DDX52: variants seen among roughly 807,000 people sequenced by gnomAD.
The protein encoded by DDX52 is DExD-box helicase 52.
In DDX52, 59 loss-of-function variants were observed where a neutral mutation model predicts 76.1. That is an observed-to-expected ratio of 0.78 (90% CI 0.63 to 0.96). The LOEUF is 0.96. DDX52 is among the 40% of genes least tolerant of loss of function. DDX52 has a pLI of 0.00. For synonymous variants in DDX52, 231 were observed against 244.1 expected, an observed-to-expected ratio of 0.95 and a Z score of 0.50; for missense variants, 707 against 703.9, an observed-to-expected ratio of 1.00 and a Z score of -0.05.
rs1299477102 is a variant in DDX52, at chr17:37,610,541, C to A, written c.*3755G>T. 2.7e-5 allele frequency: 4 copies of A among 149,786 alleles called. No individual in the cohort carries two copies. The highest frequency in any genetic ancestry group is 5.9e-5 in the Non-Finnish European group (4 of 67,982). 9.3% of individuals were successfully genotyped at this position (149,786 alleles called of 1,614,324 possible). ...ACAAGTAATGGATTAATTAGCTTTA[C>A]GTTTTCACTCTTGTCTCAAGGTTTT... On this transcript the variant is annotated 3_prime_UTR_variant, in exon 15 of 15. Transcript: ENST00000617633.
chr17:37,617,936 C>T (rs1230600571), intron 14 of DDX52, among the ~76,000 whole-genome samples: 1 of 151,932 alleles, frequency 6.6e-6, no homozygotes, highest in Non-Finnish European at 1.5e-5. Context: ...CATGGTGAAA[C>T]TCCGTGTCTA....
intron 2 of DDX52, among the ~76,000 whole-genome samples, chr17:37,637,929 G>A (rs2031008488): frequency 6.6e-6 from 1 of 152,164 alleles, no homozygotes; most frequent in East Asian, 1.9e-4. Flanking sequence ...CATATGATGG[G>A]TGCCAAAACC....
Position 37,642,291 on chromosome 17 carries a change from A to G in DDX52, c.105T>C (p.Tyr35=), listed in dbSNP as rs1469948506. 1.2e-6 allele frequency: 2 copies of G among 1,613,292 alleles called. No individual in the cohort carries two copies. Among genetic ancestry groups the G allele is most frequent in the Non-Finnish European group, 8.5e-7 (1 of 1,179,814 alleles). Residue 35 remains tyrosine (Y), a synonymous_variant, in exon 2 of 15, where the codon TAT becomes TAC. Coordinates refer to ENST00000617633, the MANE Select transcript of DDX52 (RefSeq NM_007010.5). The part of the protein sequence containing the change: ...AARFQIGKRK[Y]DFDSSEVLQG... ...GAAGCACCTCCGAAGAATCAAAGTC[A>G]TATTTCCTTTTTCCTATCTAAAACC...
intron 9 of DDX52, chr17:37,624,069 G>A (rs894886568): frequency 5.3e-5 from 12 of 224,994 alleles, no homozygotes; most frequent in African/African-American, 1.8e-4. Flanking sequence ...TCTGAGCTGC[G>A]AAAAGACAAC....
chr17:37,615,075 T>C (rs1432538564), intron 14 of DDX52: 1 of 152,226 alleles, frequency 6.6e-6, no homozygotes, highest in East Asian at 1.9e-4. Flanking sequence ...TGAGGTCCAC[T>C]AGGCAGCAAG....
At chr17:37,629,891 G>T in intron 5 of DDX52, 139 bp downstream of exon 5, 2 of 1,081,634 alleles carry the variant, frequency 1.8e-6, no homozygotes, top group Non-Finnish European at 2.6e-6. Flanking sequence ...AAGATCCGGA[G>T]CACTGTGCTG....
Position 37,614,157 on chromosome 17 carries a change from A to G in DDX52, c.*139T>C. ...CTGACTTGATAGTTTAGGATCATTT[A>G]TCACCAGTCCCATGTACTTGTAGTT... is the stretch of plus-strand genomic sequence containing the variant. On this transcript the variant is annotated 3_prime_UTR_variant, in exon 15 of 15. Coordinates refer to ENST00000617633, the MANE Select transcript of DDX52 (RefSeq NM_007010.5). 1.2e-6 allele frequency: 1 copy of G among 861,376 alleles called. No individual in the cohort carries two copies. The highest frequency in any genetic ancestry group is 3.2e-5 in the Admixed American group (1 of 31,264). The allele number at this position is 861,376 out of a possible 1,614,324, so 53.4% of individuals were successfully genotyped here.
chr17:37,643,211 C>T, intron 1 of DDX52, 123 bp downstream of exon 1: 1 of 997,956 alleles, frequency 1.0e-6, no homozygotes, highest in South Asian at 1.6e-5. Context: ...AGCAAAATAC[C>T]CCAAGGGTGG....
intron 6 of DDX52, among the ~76,000 whole-genome samples, chr17:37,628,020 C>T (rs543104151): frequency 1.3e-5 from 2 of 152,196 alleles, no homozygotes; most frequent in South Asian, 4.1e-4. Context: ...CTCAAGCAAT[C>T]CTCCCACCTC....
rs142653988 is a variant in DDX52, at chr17:37,622,935, T to G, written c.1227+1409A>C. Among the ~76,000 whole-genome samples the G allele has an allele frequency of 1.8e-3, 268 of 152,348 alleles. 2 individuals carry two copies. The highest frequency in any genetic ancestry group is 3.1e-3 in the Non-Finnish European group (209 of 68,032). On this transcript the variant is annotated intron_variant, in intron 9 of 14. Transcript: ENST00000617633. ...AACAGCTCTATGAGGTAGATATTAT[T>G]ATCCCATTTTACAGACAAGGAAAAT...
At position 37,618,003 on chromosome 17, in the gene DDX52, T is replaced by G. The variant is rs1261962244; in HGVS notation, c.1742+289A>C. 2.0e-5 allele frequency among the ~76,000 whole-genome samples: 3 copies of G among 151,946 alleles called. No individual in the cohort carries two copies. The East Asian group carries it at 5.8e-4, about 29-fold the overall frequency. ...GGTGGCGGGAGCCTGTAATCCCAGC[T>G]ATTTGGGATGATGAAGCAGTAGAAT... On this transcript the variant is annotated intron_variant, in intron 14 of 14. Coordinates refer to ENST00000617633, the MANE Select transcript of DDX52 (RefSeq NM_007010.5).
In DDX52 at chr17:37,612,028, G is replaced by A. The variant is rs998001907; in HGVS notation, c.*2268C>T. 2.0e-5 allele frequency: 3 copies of A among 147,848 alleles called. No individual in the cohort carries two copies. The highest frequency in any genetic ancestry group is 4.9e-5 in the African/African-American group (2 of 40,578). 9.2% of individuals were successfully genotyped at this position (147,848 alleles called of 1,614,324 possible). ...TACAGTAAGCTAAGGTTAATTTATT[G>A]AAGAAAAAATATATATCTAATATAT... is the stretch of plus-strand genomic sequence containing the variant. On this transcript the variant is annotated 3_prime_UTR_variant, in exon 15 of 15. Transcript: ENST00000617633.
intron 14 of DDX52, among the ~76,000 whole-genome samples, chr17:37,616,662 C>CAAAAAAAAAAAAAAAAA (rs1188716926): frequency 2.5e-4 from 30 of 122,414 alleles, no homozygotes; most frequent in African/African-American, 7.4e-4. Flanking sequence ...GACTCCATCT[C>CAAAAAAAAAAAAAAAAA]AAAAAAAAAA....
chr17:37,611,148 T>C lies in DDX52; in HGVS notation c.*3148A>G, dbSNP rs1412631898. 3 of 152,240 alleles carry C rather than the reference T, an allele frequency of 2.0e-5. No homozygotes were observed. Among genetic ancestry groups the C allele is most frequent in the African/African-American group, 7.2e-5 (3 of 41,460 alleles). The allele number at this position is 152,240 out of a possible 1,614,324, so 9.4% of individuals were successfully genotyped here. ...GGTTAGATGCCCTCTTGTGATGCTTTAGCATCATGGCCTTACATCTAACAG... is the reference window on the plus strand; with the variant it reads ...GGTTAGATGCCCTCTTGTGATGCTTCAGCATCATGGCCTTACATCTAACAG... On this transcript the variant is annotated 3_prime_UTR_variant, in exon 15 of 15. Coordinates refer to ENST00000617633, the MANE Select transcript of DDX52 (RefSeq NM_007010.5).
rs1434299170 is a variant in DDX52 at position 37,613,758 on chromosome 17, G to A, written c.*538C>T. ...GTGAGCAGTGGAAGGGGTATTTAAT[G>A]TCAAGGCTTTATTTTGAATTTCTGT... On this transcript the variant is annotated 3_prime_UTR_variant, in exon 15 of 15. Transcript: ENST00000617633. 6.6e-6 allele frequency: 1 copy of A among 152,670 alleles called. No homozygotes were observed. The highest frequency in any genetic ancestry group is 1.5e-5 in the Non-Finnish European group (1 of 68,074). 9.5% of individuals were successfully genotyped at this position (152,670 alleles called of 1,614,324 possible). A position where few individuals can be genotyped will look rare whatever the true frequency, so the allele number is the denominator to read the frequency against.
chr17:37,638,134 A>T (rs574709165), intron 2 of DDX52, among the ~76,000 whole-genome samples: 1 of 152,222 alleles, frequency 6.6e-6, no homozygotes, highest in Non-Finnish European at 1.5e-5. Context: ...GTCAAAGCAA[A>T]AGTTGACCAG....
intron 2 of DDX52, chr17:37,639,602 G>T: frequency 4.6e-6 from 1 of 215,570 alleles, no homozygotes; most frequent in South Asian, 1.5e-4. Context: ...TTAGCTGGGC[G>T]TGGTGTCGGG....
rs766436288 is a variant in DDX52, at chr17:37,610,627, G to GC, written c.*3668dup. 6.6e-6 allele frequency: 1 copy of GC among 152,060 alleles called. No individual in the cohort carries two copies. The highest frequency in any genetic ancestry group is 2.4e-5 in the African/African-American group (1 of 41,390). 9.4% of individuals were successfully genotyped at this position (152,060 alleles called of 1,614,324 possible). On this transcript the variant is annotated 3_prime_UTR_variant, in exon 15 of 15. Coordinates refer to ENST00000617633, the MANE Select transcript of DDX52 (RefSeq NM_007010.5). ...AAACCACTGGTCAGGAACTGTACACGCATTTTAAAAAATCCTCAGTATCCT... is the reference window on the plus strand; with the variant it reads ...AAACCACTGGTCAGGAACTGTACACGCCATTTTAAAAAATCCTCAGTATCCT...
chr17:37,636,838 C>A (rs966448702), intron 2 of DDX52, among the ~76,000 whole-genome samples: 1 of 152,092 alleles, frequency 6.6e-6, no homozygotes, highest in Non-Finnish European at 1.5e-5. Context: ...TTGTTCATGC[C>A]CTAATTGAAG....
Sources: allele counts gnomAD v4.1 joint callset (sites outside exome capture counted in the v4.1 genomes callset), GRCh38; gene constraint gnomAD v4.1.1; transcripts MANE v1.5; gene names NCBI Gene and HGNC (gene_info 2026-07-23, HGNC 2026-07-21).